The following TMEFF2 variants were observed in gnomAD, a reference collection of about 807,000 sequenced individuals.
The protein encoded by TMEFF2 is transmembrane protein with EGF like and two follistatin like domains 2.
A neutral mutation model predicts 53.8 loss-of-function variants in TMEFF2; 28 were observed. The observed-to-expected ratio is 0.52, with a 90% confidence interval of 0.39 to 0.71. The LOEUF (loss-of-function observed/expected upper bound fraction) is 0.71, where lower values mean the gene tolerates loss of function less well. TMEFF2 is among the 30% of genes least tolerant of loss of function. The probability of loss-of-function intolerance (pLI) is 0.00; values close to 1 mark genes in which losing one functional copy is unlikely to be tolerated. For synonymous variants in TMEFF2, 162 were observed against 166.3 expected, an observed-to-expected ratio of 0.97 and a Z score of 0.20; for missense variants, 353 against 455.2, an observed-to-expected ratio of 0.78 and a Z score of 2.04.
At chr2:192,155,464 A>G (rs1019836939) in intron 4 of TMEFF2, among the ~76,000 whole-genome samples, 1 of 151,922 alleles carries the variant, frequency 6.6e-6, no homozygotes, top group African/African-American at 2.4e-5. Flanking sequence ...TAAAACTGAG[A>G]CTGAGGGTGA....
intron 7 of TMEFF2, among the ~76,000 whole-genome samples, chr2:191,980,939 A>G (rs561963521): frequency 3.3e-5 from 5 of 152,134 alleles, no homozygotes; most frequent in African/African-American, 4.8e-5. Flanking sequence ...CCTAAATCCA[A>G]CTAAAATCTA....
intron 5 of TMEFF2, among the ~76,000 whole-genome samples, chr2:192,009,746 A>C (rs527883237): frequency 6.6e-6 from 1 of 152,240 alleles, no homozygotes; most frequent in African/African-American, 2.4e-5. Context: ...AATATGATTA[A>C]GGTAGGAGAA....
intron 5 of TMEFF2, among the ~76,000 whole-genome samples, chr2:192,017,621 T>G (rs1037822256): frequency 6.6e-6 from 1 of 152,200 alleles, no homozygotes; most frequent in African/African-American, 2.4e-5. Flanking sequence ...AATATCTCTT[T>G]TTATCTTTCA....
chr2:192,074,379 T>C (rs1255898638), intron 4 of TMEFF2, among the ~76,000 whole-genome samples: 1 of 151,940 alleles, frequency 6.6e-6, no homozygotes, highest in African/African-American at 2.4e-5. Flanking sequence ...GGAGGAATCT[T>C]ATTGCAAGCA....
chr2:191,998,182 G>T, intron 7 of TMEFF2, 80 bp downstream of exon 7: 1 of 1,120,732 alleles, frequency 8.9e-7, no homozygotes, highest in Non-Finnish European at 1.3e-6. Flanking sequence ...CTTCACTTTG[G>T]AATAAGTAGT....
intron 6 of TMEFF2, among the ~76,000 whole-genome samples, chr2:191,998,843 T>C (rs1286972051): frequency 6.6e-6 from 1 of 151,964 alleles, no homozygotes; most frequent in East Asian, 1.9e-4. Context: ...ATTGTGACAA[T>C]ACAGTTCCAT....
chr2:192,177,648 G>A (rs945593785), intron 4 of TMEFF2: 1 of 150,416 alleles, frequency 6.6e-6, no homozygotes, highest in Non-Finnish European at 1.5e-5. Flanking sequence ...TTTTCTCCAA[G>A]TTACTATGAA....
chr2:192,121,147 G>A (rs1050604841), intron 4 of TMEFF2, among the ~76,000 whole-genome samples: 1 of 152,134 alleles, frequency 6.6e-6, no homozygotes, highest in African/African-American at 2.4e-5. Context: ...CGAGTCTAGT[G>A]GGGGAAGGAG....
chr2:192,052,569 A>G (rs1025344971), intron 5 of TMEFF2, among the ~76,000 whole-genome samples: 7 of 152,200 alleles, frequency 4.6e-5, no homozygotes, highest in African/African-American at 7.2e-5. Flanking sequence ...GGTATTCCCA[A>G]TGCTATCAGA....
intron 4 of TMEFF2, among the ~76,000 whole-genome samples, chr2:192,150,255 T>G (rs138531048): frequency 3.3e-4 from 50 of 152,034 alleles, no homozygotes; most frequent in African/African-American, 1.1e-3. Flanking sequence ...ACACAAGAAT[T>G]GTTATTAAAA....
intron 4 of TMEFF2, among the ~76,000 whole-genome samples, chr2:192,110,660 C>T (rs1272153282): frequency 2.0e-5 from 3 of 152,104 alleles, no homozygotes; most frequent in East Asian, 1.9e-4. Flanking sequence ...TCTCTTTGTA[C>T]CATTAATTTT....
At chr2:191,977,919 GT>G (rs1471961295) in intron 7 of TMEFF2, among the ~76,000 whole-genome samples, 1 of 152,112 alleles carries the variant, frequency 6.6e-6, no homozygotes, top group Admixed American at 6.5e-5. Flanking sequence ...TTCATTCATT[GT>G]GGCAGTATAT....
intron 7 of TMEFF2, among the ~76,000 whole-genome samples, chr2:191,967,852 T>C (rs1232776536): frequency 6.6e-6 from 1 of 152,156 alleles, no homozygotes; most frequent in Non-Finnish European, 1.5e-5. Flanking sequence ...CATCCACTCT[T>C]GGATGTTACG....
intron 4 of TMEFF2, among the ~76,000 whole-genome samples, chr2:192,103,933 T>C (rs995055892): frequency 3.3e-5 from 5 of 151,780 alleles, no homozygotes; most frequent in African/African-American, 1.2e-4. Flanking sequence ...GTGAAGTTTA[T>C]TATAAGACCT....
chr2:192,184,526 T>G (rs767054076), intron 2 of TMEFF2, 43 bp from the exon 3 acceptor site: 4 of 1,608,224 alleles, frequency 2.5e-6, no homozygotes, highest in South Asian at 2.2e-5. Context: ...GTACTGGAGA[T>G]TGTATCCCTC....
chr2:192,123,099 T>C (rs751221422), intron 4 of TMEFF2, among the ~76,000 whole-genome samples: 2 of 152,168 alleles, frequency 1.3e-5, no homozygotes, highest in Non-Finnish European at 2.9e-5. Context: ...TCTAAAATCA[T>C]ATTAAGGAGA....
At chr2:192,143,005 CA>C (rs1365075541) in intron 4 of TMEFF2, among the ~76,000 whole-genome samples, 1 of 152,100 alleles carries the variant, frequency 6.6e-6, no homozygotes, top group African/African-American at 2.4e-5. Flanking sequence ...GGAGGTTTTG[CA>C]GAAAAATATT....
At chr2:192,073,488 T>C (rs1273333363) in intron 4 of TMEFF2, among the ~76,000 whole-genome samples, 1 of 151,870 alleles carries the variant, frequency 6.6e-6, no homozygotes, top group Non-Finnish European at 1.5e-5. Flanking sequence ...AGACTATATA[T>C]CATCAGCAGC....
At chr2:192,024,880 G>A (rs533472539) in intron 5 of TMEFF2, among the ~76,000 whole-genome samples, 4 of 152,292 alleles carry the variant, frequency 2.6e-5, no homozygotes, top group South Asian at 4.1e-4. Flanking sequence ...ATGCAGCAGA[G>A]TTTTCTAAAT....
Sources: gnomAD v4.1 joint callset for allele counts (sites outside exome capture counted in the v4.1 genomes callset) on GRCh38, gnomAD v4.1.1 for gene constraint, MANE v1.5 for transcripts, NCBI Gene and HGNC (gene_info 2026-07-23, HGNC 2026-07-21) for gene names.